Variants in KCNC2 observed in about 807,000 individuals in gnomAD.
KCNC2 encodes the protein potassium voltage-gated channel subfamily C member 2, also known as voltage-gated potassium channel KCNC2.
KCNC2 carries 21 observed loss-of-function variants against 44.5 expected under a neutral mutation model. The ratio of observed to expected loss-of-function variants is 0.47; its 90% CI spans 0.33 to 0.68. The LOEUF is 0.68. KCNC2 is among the 30% of genes least tolerant of loss of function. KCNC2 has a pLI of 0.01. For synonymous variants in KCNC2, 391 were observed against 339.1 expected, an observed-to-expected ratio of 1.15 and a Z score of -1.68; for missense variants, 589 against 826.2, an observed-to-expected ratio of 0.71 and a Z score of 3.52.
intron 2 of KCNC2, among the ~76,000 whole-genome samples, chr12:75,165,134 G>C (rs1223502781): frequency 1.3e-5 from 2 of 151,620 alleles, no homozygotes; most frequent in African/African-American, 4.8e-5. Context: ...AGAACTGATA[G>C]AGGCAATTTT....
chr12:75,176,150 C>T (rs1056077929), intron 2 of KCNC2, among the ~76,000 whole-genome samples: 1 of 152,050 alleles, frequency 6.6e-6, no homozygotes, highest in East Asian at 1.9e-4. Flanking sequence ...AACTGAAACA[C>T]TGTGTGCCTG....
intron 4 of KCNC2, among the ~76,000 whole-genome samples, chr12:75,047,370 GA>G (rs1880648876): frequency 6.6e-6 from 1 of 151,962 alleles, no homozygotes; most frequent in Admixed American, 6.6e-5. Flanking sequence ...ACAATCAAGG[GA>G]AAAGGACCCA....
rs545771470 is a variant in KCNC2, at chr12:75,082,655, G to A, written c.688-31338C>T. The stretch of plus-strand genomic sequence containing the variant: ...GTAACCTCAATACCCAGGGAAAAAA[G>A]AATAATTTAGGTAAATAATGATGCA... On this transcript the variant is annotated intron_variant, in intron 2 of 4. Transcript: ENST00000549446. 4.0e-5 allele frequency among the ~76,000 whole-genome samples: 6 copies of A among 151,214 alleles called. No homozygotes were observed. In the South Asian group the frequency reaches 1.2e-3, roughly 31 times the overall value.
At chr12:75,205,516 A>C (rs1173017140) in intron 2 of KCNC2, among the ~76,000 whole-genome samples, 1 of 152,216 alleles carries the variant, frequency 6.6e-6, no homozygotes, top group African/African-American at 2.4e-5. Context: ...AATAAACTAT[A>C]GAATCAAATT....
At chr12:75,208,577 T>TC (rs1265782374) in intron 1 of KCNC2, among the ~76,000 whole-genome samples, 20 of 119,244 alleles carry the variant, frequency 1.7e-4, no homozygotes. Flanking sequence ...GAGCACACCC[T>TC]CCCCCCACCC....
intron 2 of KCNC2, among the ~76,000 whole-genome samples, chr12:75,097,646 C>T (rs1446242156): frequency 2.0e-5 from 3 of 151,984 alleles, no homozygotes; most frequent in Non-Finnish European, 4.4e-5. Context: ...AATGAGAAGA[C>T]AAAAGTATAC....
At chr12:75,131,425 C>T (rs995287220) in intron 2 of KCNC2, among the ~76,000 whole-genome samples, 1 of 152,152 alleles carries the variant, frequency 6.6e-6, no homozygotes, top group Admixed American at 6.6e-5. Flanking sequence ...AGAATGGGCC[C>T]TCAAATAATG....
chr12:75,042,092 A>G lies in KCNC2; in HGVS notation c.*1013T>C. ...CTTCTGTGAACACCAGTGACATTTG[A>G]TGTTTGCACAAAAAATTAATAAATA... On this transcript the variant is annotated 3_prime_UTR_variant, in exon 5 of 5. Coordinates refer to ENST00000549446, the MANE Select transcript of KCNC2 (RefSeq NM_139137.4). 8.1e-7 allele frequency: 1 copy of G among 1,234,004 alleles called. No individual in the cohort carries two copies. Among genetic ancestry groups the G allele is most frequent in the African/African-American group, 1.6e-5 (1 of 64,024 alleles). 76.4% of individuals were successfully genotyped at this position (1,234,004 alleles called of 1,614,324 possible).
At chr12:75,052,836 A>T (rs1881325994) in intron 2 of KCNC2, among the ~76,000 whole-genome samples, 1 of 152,152 alleles carries the variant, frequency 6.6e-6, no homozygotes, top group Non-Finnish European at 1.5e-5. Context: ...AAATTATGGA[A>T]CTTCTTCTAC....
chr12:75,085,269 A>G (rs990874218), intron 2 of KCNC2, among the ~76,000 whole-genome samples: 3 of 152,006 alleles, frequency 2.0e-5, no homozygotes. Flanking sequence ...CTTATGTTAC[A>G]TATCTTGTAT....
At chr12:75,191,512 ATT>A (rs2137712532) in intron 2 of KCNC2, among the ~76,000 whole-genome samples, 1 of 51,880 alleles carries the variant, frequency 1.9e-5, no homozygotes, top group South Asian at 1.0e-3. Context: ...TATTATTATT[ATT>A]ATTATTATTA....
intron 2 of KCNC2, among the ~76,000 whole-genome samples, chr12:75,130,839 A>G (rs1888791286): frequency 6.6e-6 from 1 of 152,026 alleles, no homozygotes; most frequent in Non-Finnish European, 1.5e-5. Flanking sequence ...AAAGACAGAT[A>G]GGGAAGCTCA....
chr12:75,130,446 A>G (rs78742403), intron 2 of KCNC2, among the ~76,000 whole-genome samples: 3,538 of 152,224 alleles, frequency 0.023, 141 homozygotes, highest in African/African-American at 0.081. Flanking sequence ...ACAACACAAC[A>G]TAGCTCTATA....
intron 2 of KCNC2, among the ~76,000 whole-genome samples, chr12:75,115,275 A>C (rs1887578099): frequency 6.6e-6 from 1 of 152,144 alleles, no homozygotes; most frequent in Non-Finnish European, 1.5e-5. Flanking sequence ...TTCTAATCTG[A>C]ACCAGGATCT....
chr12:75,185,914 C>A (rs142472175), intron 2 of KCNC2, among the ~76,000 whole-genome samples: 5 of 151,824 alleles, frequency 3.3e-5, no homozygotes, highest in African/African-American at 1.2e-4. Context: ...GTCATGGTGG[C>A]AGGTGCCTGT....
Position 75,041,233 on chromosome 12 carries a change from C to T in KCNC2, c.*1872G>A. 6.3e-7 allele frequency: 1 copy of T among 1,593,906 alleles called. No homozygotes were observed. Among genetic ancestry groups the T allele is most frequent in the South Asian group, 1.1e-5 (1 of 90,840 alleles). On this transcript the variant is annotated 3_prime_UTR_variant, in exon 5 of 5. Coordinates refer to ENST00000549446, the MANE Select transcript of KCNC2 (RefSeq NM_139137.4). ...TGTAGTCAATAACAGCAGCACCAGA[C>T]AGCATATTAATTCTTTTACCATAAA...
chr12:75,086,671 AAAAAAAAAAAATATATAT>A (rs1885035730), intron 2 of KCNC2, among the ~76,000 whole-genome samples: 1 of 89,394 alleles, frequency 1.1e-5, no homozygotes, highest in African/African-American at 4.9e-5. Flanking sequence ...AAAAAAAAAA[AAAAAAAAAAAATATATAT>A]ATATATATAT....
intron 2 of KCNC2, among the ~76,000 whole-genome samples, chr12:75,132,338 C>T (rs1015624748): frequency 2.0e-5 from 3 of 151,774 alleles, no homozygotes; most frequent in Non-Finnish European, 2.9e-5. Flanking sequence ...TTGCAATGTA[C>T]CAAAAATAAG....
intron 2 of KCNC2, among the ~76,000 whole-genome samples, chr12:75,122,655 T>G (rs989169642): frequency 1.3e-5 from 2 of 152,018 alleles, no homozygotes; most frequent in Non-Finnish European, 2.9e-5. Flanking sequence ...TTAGGGCAAA[T>G]AAAGACTATT....
Sources: gnomAD v4.1 joint callset for allele counts (sites outside exome capture counted in the v4.1 genomes callset) on GRCh38, gnomAD v4.1.1 for gene constraint, MANE v1.5 for transcripts, NCBI Gene and HGNC (gene_info 2026-07-23, HGNC 2026-07-21) for gene names.